The following DDX4 variants were observed in gnomAD, a reference collection of about 807,000 sequenced individuals.
DDX4 encodes DEAD-box helicase 4, also known as probable ATP-dependent RNA helicase DDX4.
Under a neutral mutation model 100.0 loss-of-function variants are expected in DDX4, and 25 were observed. The ratio of observed to expected loss-of-function variants is 0.25; its 90% CI spans 0.18 to 0.35. DDX4 has a LOEUF of 0.35. Ranked by LOEUF, DDX4 falls within the 10% of genes least tolerant of loss-of-function variation. The pLI, the probability that DDX4 is intolerant of heterozygous loss-of-function variation, is 1.00. For missense variants in DDX4, 635 were observed against 882.4 expected (o/e 0.72, Z 3.55); for synonymous variants, 259 against 275.7 (o/e 0.94, Z 0.60).
At chr5:55,773,078 C>T (rs1439636092) in intron 7 of DDX4, 2 of 152,294 alleles carry the variant, frequency 1.3e-5, no homozygotes, top group Non-Finnish European at 2.9e-5. Flanking sequence ...ATTTATTTCT[C>T]ACAGTTCTGG....
intron 17 of DDX4, among the ~76,000 whole-genome samples, chr5:55,794,015 C>T (rs917472698): frequency 2.6e-5 from 4 of 152,052 alleles, no homozygotes; most frequent in Non-Finnish European, 5.9e-5. Flanking sequence ...GTGGTGCTGG[C>T]TATTGATTTA....
At chr5:55,812,149 ATTTCT>A (rs1744156343) in intron 18 of DDX4, among the ~76,000 whole-genome samples, 1 of 152,186 alleles carries the variant, frequency 6.6e-6, no homozygotes, top group Non-Finnish European at 1.5e-5. Flanking sequence ...TGCAAGTTCA[ATTTCT>A]TTACTTTCTG....
chr5:55,740,666 C>G (rs1288758079), intron 2 of DDX4, among the ~76,000 whole-genome samples: 1 of 126,732 alleles, frequency 7.9e-6, no homozygotes, highest in Non-Finnish European at 1.6e-5. Flanking sequence ...CCACCACGCC[C>G]CGCTAATTTT....
intron 18 of DDX4, among the ~76,000 whole-genome samples, chr5:55,810,798 G>C (rs1744082599): frequency 6.6e-6 from 1 of 151,996 alleles, no homozygotes; most frequent in Non-Finnish European, 1.5e-5. Context: ...TTTTTAATTT[G>C]ATCTTAAAAA....
At chr5:55,766,974 T>C in intron 6 of DDX4, 1 of 1,532,820 alleles carries the variant, frequency 6.5e-7, no homozygotes, top group Non-Finnish European at 8.7e-7. Context: ...CAGGTAGTTT[T>C]CAGGCAGCCT....
At chr5:55,750,937 ACCTCCTGTTCC>A (rs1470596682) in intron 3 of DDX4, among the ~76,000 whole-genome samples, 5 of 152,104 alleles carry the variant, frequency 3.3e-5, no homozygotes, top group African/African-American at 1.2e-4. Flanking sequence ...CACTGAGATT[ACCTCCTGTTCC>A]CCTCTGTTAC....
chr5:55,785,064 A>G (rs926421463), intron 10 of DDX4, among the ~76,000 whole-genome samples: 2 of 152,258 alleles, frequency 1.3e-5, no homozygotes, highest in Admixed American at 1.3e-4. Context: ...TAGGAAAGAA[A>G]TATAACAGTT....
intron 7 of DDX4, 171 bp downstream of exon 7, chr5:55,768,111 C>G: frequency 1.6e-6 from 1 of 614,604 alleles, no homozygotes; most frequent in Non-Finnish European, 2.9e-6. Context: ...GTGGGTGCCC[C>G]TCCTTTCACT....
intron 18 of DDX4, among the ~76,000 whole-genome samples, chr5:55,803,915 A>C (rs1443433108): frequency 6.6e-6 from 1 of 152,260 alleles, no homozygotes; most frequent in Non-Finnish European, 1.5e-5. Context: ...GACTTCCACA[A>C]TGACTAGTTT....
intron 3 of DDX4, among the ~76,000 whole-genome samples, chr5:55,759,225 ATAT>A (rs1760140096): frequency 6.6e-6 from 1 of 151,670 alleles, no homozygotes; most frequent in Non-Finnish European, 1.5e-5. Flanking sequence ...TGTTTTTCTA[ATAT>A]TCTTGTTGAG....
chr5:55,790,138 C>CT (rs35365600), intron 15 of DDX4, among the ~76,000 whole-genome samples: 9,262 of 102,104 alleles, frequency 0.091, 613 homozygotes, highest in Non-Finnish European at 0.12. Context: ...AAAATATCAC[C>CT]TTTTTTTTTT....
At chr5:55,765,212 T>G (rs1449975590) in intron 6 of DDX4, among the ~76,000 whole-genome samples, 1 of 151,778 alleles carries the variant, frequency 6.6e-6, no homozygotes, top group African/African-American at 2.4e-5. Context: ...CATTTAATAT[T>G]CAAGATCATT....
chr5:55,756,386 T>A (rs1331628345), intron 3 of DDX4, among the ~76,000 whole-genome samples: 1 of 152,188 alleles, frequency 6.6e-6, no homozygotes, highest in Non-Finnish European at 1.5e-5. Context: ...TGACACTGAA[T>A]TCTAAGTGTT....
chr5:55,797,713 C>T (rs1743052111), intron 17 of DDX4, among the ~76,000 whole-genome samples: 1 of 152,202 alleles, frequency 6.6e-6, no homozygotes, highest in Non-Finnish European at 1.5e-5. Flanking sequence ...ACTTTGTCCA[C>T]TCCCCTATAT....
At chr5:55,793,771 A>AG (rs780724632) in intron 17 of DDX4, among the ~76,000 whole-genome samples, 64 of 152,210 alleles carry the variant, frequency 4.2e-4, no homozygotes, top group Non-Finnish European at 8.2e-4. Flanking sequence ...CTGTCTTCAT[A>AG]AAGAGTTGCC....
rs184893610 is a variant in DDX4 at position 55,811,770 on chromosome 5, C to T, written c.1616-1903C>T. On this transcript the variant is annotated intron_variant, in intron 18 of 21. Transcript: ENST00000505374. ...AGCATTGTCTACTGTTTTCAGTTAC[C>T]TGAAGATTTTGGAAATTATCTTCAA... 1.2e-3 allele frequency among the ~76,000 whole-genome samples: 178 copies of T among 152,268 alleles called. 3 individuals are homozygous for T. Among genetic ancestry groups the T allele is most frequent in the African/African-American group, 4.1e-3 (172 of 41,548 alleles).
intron 18 of DDX4, among the ~76,000 whole-genome samples, chr5:55,808,581 A>G (rs1027573944): frequency 3.9e-5 from 6 of 152,096 alleles, no homozygotes; most frequent in Admixed American, 3.9e-4. Flanking sequence ...CTGGAGGTCC[A>G]CTCCAGACCT....
rs897124504 is a variant in DDX4 at position 55,816,744 on chromosome 5, T to C, written c.*204T>C. On this transcript the variant is annotated 3_prime_UTR_variant, in exon 22 of 22. Coordinates refer to ENST00000505374, the MANE Select transcript of DDX4 (RefSeq NM_024415.3). ...ACATTGCAGTTACTGATACAAATGGTGTTAACTGGGAATATTAAAGCATTC... is the reference window on the plus strand; with the variant it reads ...ACATTGCAGTTACTGATACAAATGGCGTTAACTGGGAATATTAAAGCATTC... 1.2e-6 allele frequency: 1 copy of C among 818,822 alleles called. No homozygotes were observed. The highest frequency in any genetic ancestry group is 1.7e-5 in the African/African-American group (1 of 57,430). 50.7% of individuals were successfully genotyped at this position (818,822 alleles called of 1,614,324 possible). A position where few individuals can be genotyped will look rare whatever the true frequency, so the allele number is the denominator to read the frequency against.
In DDX4 at chr5:55,757,258, C is replaced by T. The variant is rs1759998860; in HGVS notation, c.128-2942C>T. On this transcript the variant is annotated intron_variant, in intron 3 of 21. Transcript: ENST00000505374. ...CCAATTTGTAGTCTTTTATCCCTCA[C>T]CCCTCATCGCACTCCTTTCCCCAAG... 2.0e-5 allele frequency among the ~76,000 whole-genome samples: 3 copies of T among 152,132 alleles called. No individual in the cohort carries two copies. In the South Asian group the frequency reaches 6.2e-4, roughly 31 times the overall value.
Sources: gnomAD v4.1 joint callset for allele counts (sites outside exome capture counted in the v4.1 genomes callset) on GRCh38, gnomAD v4.1.1 for gene constraint, MANE v1.5 for transcripts, NCBI Gene and HGNC (gene_info 2026-07-23, HGNC 2026-07-21) for gene names.